The following NKAIN2 variants were observed in gnomAD, a reference collection of about 807,000 sequenced individuals.
NKAIN2 encodes the protein sodium/potassium-transporting ATPase subunit beta-1-interacting protein 2.
NKAIN2 carries 14 observed loss-of-function variants against 32.6 expected under a neutral mutation model. That is an observed-to-expected ratio of 0.43 (90% CI 0.28 to 0.67). The LOEUF (loss-of-function observed/expected upper bound fraction) is 0.67. NKAIN2 is among the 30% of genes least tolerant of loss of function. NKAIN2 has a pLI of 0.17. For missense variants in NKAIN2, 198 were observed against 258.3 expected, an observed-to-expected ratio of 0.77 and a Z score of 1.60; for synonymous variants, 80 against 87.2, an observed-to-expected ratio of 0.92 and a Z score of 0.46.
chr6:124,450,020 C>T (rs524235), intron 3 of NKAIN2, among the ~76,000 whole-genome samples: 16,509 of 152,140 alleles, frequency 0.11, 1,063 homozygotes, highest in East Asian at 0.25. Context: ...ACTAAATACT[C>T]ATCTCCAGAA....
chr6:124,043,827 T>C (rs2114815830), intron 1 of NKAIN2, among the ~76,000 whole-genome samples: 1 of 152,188 alleles, frequency 6.6e-6, no homozygotes, highest in African/African-American at 2.4e-5. Context: ...GAATGAAGTG[T>C]TCTTCACTTG....
rs1311196344 is a variant in NKAIN2, at chr6:124,430,859, C to T, written c.273+75512C>T. Among the ~76,000 whole-genome samples the T allele has an allele frequency of 2.6e-5, 4 of 152,150 alleles. No individual in the cohort carries two copies. In the East Asian group the frequency reaches 5.8e-4, roughly 22 times the overall value. On this transcript the variant is annotated intron_variant, in intron 3 of 6. Transcript: ENST00000368417. ...ATACATTTTCTAACACAGAGCAACA[C>T]GTGCACACACGCGCGCGCACATACA...
intron 1 of NKAIN2, among the ~76,000 whole-genome samples, chr6:124,159,561 A>G (rs899869731): frequency 3.3e-5 from 5 of 152,202 alleles, no homozygotes; most frequent in Admixed American, 3.3e-4. Flanking sequence ...TTTAACTTAC[A>G]CTAAACGTGA....
At chr6:124,171,219 T>G (rs1788836552) in intron 1 of NKAIN2, among the ~76,000 whole-genome samples, 1 of 152,140 alleles carries the variant, frequency 6.6e-6, no homozygotes. Context: ...TTTTTTGTTT[T>G]GTTTTGTTTT....
chr6:124,508,651 G>A (rs1227540430), intron 3 of NKAIN2, among the ~76,000 whole-genome samples: 1 of 152,048 alleles, frequency 6.6e-6, no homozygotes, highest in East Asian at 1.9e-4. Flanking sequence ...CCATGAGCTT[G>A]TATTAGTCTT....
At chr6:124,210,734 T>C (rs1015200359) in intron 1 of NKAIN2, among the ~76,000 whole-genome samples, 2 of 150,846 alleles carry the variant, frequency 1.3e-5, no homozygotes, top group East Asian at 3.9e-4. Flanking sequence ...GTTTTTTGTT[T>C]TTTTTCAGAT....
intron 1 of NKAIN2, among the ~76,000 whole-genome samples, chr6:124,126,968 G>A (rs1002431592): frequency 7.2e-5 from 11 of 152,038 alleles, no homozygotes; most frequent in Admixed American, 3.3e-4. Context: ...CACAATAGAC[G>A]TGCTCCTGAG....
intron 3 of NKAIN2, among the ~76,000 whole-genome samples, chr6:124,364,585 T>G (rs1799439041): frequency 6.6e-6 from 1 of 152,020 alleles, no homozygotes; most frequent in Non-Finnish European, 1.5e-5. Flanking sequence ...GGCAATTGAA[T>G]GACATCTTTA....
chr6:123,992,865 C>T (rs897696653), intron 1 of NKAIN2, among the ~76,000 whole-genome samples: 3 of 152,110 alleles, frequency 2.0e-5, no homozygotes, highest in Admixed American at 6.5e-5. Flanking sequence ...CACTAAAATC[C>T]GTTTACTTTT....
intron 1 of NKAIN2, among the ~76,000 whole-genome samples, chr6:124,102,207 C>A (rs769224735): frequency 6.6e-6 from 1 of 152,176 alleles, no homozygotes; most frequent in South Asian, 2.1e-4. Context: ...GTGCGGGGAC[C>A]ACTGCCCCTT....
chr6:124,721,925 CTTT>C (rs777059184), intron 4 of NKAIN2, among the ~76,000 whole-genome samples: 1 of 152,110 alleles, frequency 6.6e-6, no homozygotes, highest in Non-Finnish European at 1.5e-5. Flanking sequence ...ATCTCCAGAA[CTTT>C]TTTTGTCTGT....
intron 3 of NKAIN2, among the ~76,000 whole-genome samples, chr6:124,398,062 G>A (rs1029068450): frequency 1.3e-5 from 2 of 151,556 alleles, no homozygotes; most frequent in South Asian, 4.2e-4. Context: ...GACCATCCTC[G>A]CTAACACGGT....
intron 3 of NKAIN2, among the ~76,000 whole-genome samples, chr6:124,466,959 A>G (rs1776784690): frequency 6.6e-6 from 1 of 152,122 alleles, no homozygotes; most frequent in African/African-American, 2.4e-5. Flanking sequence ...GTGGATAATA[A>G]TGCCCTTTTC....
In NKAIN2 at chr6:124,315,367, A is replaced by T. The variant is rs573785452; in HGVS notation, c.192+32225A>T. On this transcript the variant is annotated intron_variant, in intron 2 of 6. Transcript: ENST00000368417. ...ATGAGCAGGTATTACTTCTAGATAT[A>T]AATAGTTACAATGTCAGAGAAGGTA... is the stretch of plus-strand genomic sequence containing the variant. 3.0e-4 allele frequency among the ~76,000 whole-genome samples: 45 copies of T among 152,308 alleles called. No individual in the cohort carries two copies. The South Asian group carries it at 9.3e-3, about 32-fold the overall frequency.
At position 123,976,320 on chromosome 6, in the gene NKAIN2, TATATG is replaced by T. The variant is rs1778586732; in HGVS notation, c.54+172067_54+172071del. ...TTCCATATATATGTTTCCATATATATATATGTTCCCATATATATATATGTTCCCAT... is the reference window on the plus strand; with the variant it reads ...TTCCATATATATGTTTCCATATATATTTCCCATATATATATATGTTCCCAT... On this transcript the variant is annotated intron_variant, in intron 1 of 6. Transcript: ENST00000368417. Among the ~76,000 whole-genome samples, 8 of 62,230 alleles carry T rather than the reference TATATG, an allele frequency of 1.3e-4. No individual in the cohort carries two copies. In the East Asian group the frequency reaches 3.1e-3, roughly 24 times the overall value. 40.8% of individuals were successfully genotyped at this position (62,230 alleles called of 152,430 possible).
At chr6:124,207,278 A>G (rs1220661796) in intron 1 of NKAIN2, among the ~76,000 whole-genome samples, 1 of 151,466 alleles carries the variant, frequency 6.6e-6, no homozygotes, top group Admixed American at 6.6e-5. Flanking sequence ...GGCAACAGAG[A>G]AAGATCCTGA....
intron 3 of NKAIN2, among the ~76,000 whole-genome samples, chr6:124,429,737 GC>G (rs1471533186): frequency 2.6e-5 from 4 of 152,152 alleles, no homozygotes; most frequent in African/African-American, 9.7e-5. Flanking sequence ...TTGTGTTGGT[GC>G]TGGCACTGGT....
intron 3 of NKAIN2, among the ~76,000 whole-genome samples, chr6:124,553,075 T>A (rs967747960): frequency 2.0e-5 from 3 of 152,206 alleles, no homozygotes; most frequent in African/African-American, 7.2e-5. Context: ...CAATTCTTAG[T>A]CCTTCTTTTG....
At chr6:124,580,932 T>C (rs1781495304) in intron 3 of NKAIN2, among the ~76,000 whole-genome samples, 1 of 151,858 alleles carries the variant, frequency 6.6e-6, no homozygotes, top group African/African-American at 2.4e-5. Context: ...ACTATAAAAA[T>C]AGACAAAGAA....
Sources: allele counts gnomAD v4.1 joint callset (sites outside exome capture counted in the v4.1 genomes callset), GRCh38; gene constraint gnomAD v4.1.1; transcripts MANE v1.5; gene names NCBI Gene and HGNC (gene_info 2026-07-23, HGNC 2026-07-21).